Variants in VCL observed in about 807,000 individuals in gnomAD.
The protein encoded by VCL is vinculin, also known as epididymis luminal protein 114.
In VCL, 47 loss-of-function variants were observed where a neutral mutation model predicts 125.7. The ratio of observed to expected loss-of-function variants is 0.37; its 90% confidence interval spans 0.30 to 0.48. The LOEUF (loss-of-function observed/expected upper bound fraction) is 0.48. VCL is among the 20% of genes least tolerant of loss of function. VCL has a pLI of 0.99. For missense variants in VCL, 1,069 were observed against 1,455.5 expected (o/e 0.73, Z 4.32); for synonymous variants, 458 against 514.6 (o/e 0.89, Z 1.49).
At chr10:74,060,508 T>A (rs1841463046) in intron 2 of VCL, among the ~76,000 whole-genome samples, 1 of 151,418 alleles carries the variant, frequency 6.6e-6, no homozygotes, top group African/African-American at 2.4e-5. Context: ...CAAAAAAAAT[T>A]AGCTGGGCAT....
At position 74,107,086 on chromosome 10, in the gene VCL, T is replaced by TC. The variant is rs376257327; in HGVS notation, c.2435-138dup. 19 of 1,343,290 alleles carry TC rather than the reference T, an allele frequency of 1.4e-5. 1 individual carries two copies. In the African/African-American group the frequency reaches 1.9e-4, roughly 13 times the overall value. 83.2% of individuals were successfully genotyped at this position (1,343,290 alleles called of 1,614,324 possible). On this transcript the variant is annotated intron_variant, in intron 16 of 21. Coordinates refer to ENST00000211998, the MANE Select transcript of VCL (RefSeq NM_014000.3). ...CTCAGGGCATCTGCCTTGTCCTGCC[T>TC]CCCCCCTTCTTCAATCACTGCCCGT... is the stretch of plus-strand genomic sequence containing the variant.
At chr10:74,048,563 C>T (rs999544648) in intron 2 of VCL, among the ~76,000 whole-genome samples, 2 of 151,920 alleles carry the variant, frequency 1.3e-5, no homozygotes, top group African/African-American at 4.8e-5. Context: ...GTATCACTGT[C>T]AGTTGTCATT....
chr10:74,049,100 C>A (rs1841248763), intron 2 of VCL, among the ~76,000 whole-genome samples: 1 of 150,720 alleles, frequency 6.6e-6, no homozygotes, highest in African/African-American at 2.4e-5. Flanking sequence ...GAGCGAGACT[C>A]CATCTCAAAA....
intron 1 of VCL, among the ~76,000 whole-genome samples, chr10:74,009,456 T>G (rs561586106): frequency 3.3e-5 from 5 of 151,132 alleles, no homozygotes; most frequent in African/African-American, 1.2e-4. Flanking sequence ...AGATGGAGTT[T>G]CACCATGTTA....
In VCL at chr10:74,118,311, CA is replaced by C. The variant is rs756151016; in HGVS notation, c.*145del. ...CATCAGAAAGGAATGGGGGCCTCTTCAAATTAGAAGACATTTATACTCTTTT... is the reference window on the plus strand; with the variant it reads ...CATCAGAAAGGAATGGGGGCCTCTTCAATTAGAAGACATTTATACTCTTTT... On this transcript the variant is annotated 3_prime_UTR_variant, in exon 22 of 22. Transcript: ENST00000211998. 4.1e-4 allele frequency: 397 copies of C among 966,834 alleles called. No individual in the cohort carries two copies. The highest frequency in any genetic ancestry group is 5.8e-4 in the Non-Finnish European group (365 of 626,876). The allele number at this position is 966,834 out of a possible 1,614,324, so 59.9% of individuals were successfully genotyped here.
chr10:74,041,569 C>A (rs149706474), intron 1 of VCL, among the ~76,000 whole-genome samples: 24 of 152,196 alleles, frequency 1.6e-4, no homozygotes, highest in African/African-American at 5.1e-4. Context: ...TAATTGTGTA[C>A]TGAGATTATT....
intron 1 of VCL, 59 bp from the exon 2 acceptor site, chr10:74,043,024 A>C (rs1841123952): frequency 7.0e-7 from 1 of 1,436,486 alleles, no homozygotes; most frequent in Non-Finnish European, 9.8e-7. Flanking sequence ...ATGCTTAAGT[A>C]ATAGTTTTTT....
chr10:74,081,389 T>C (rs527578925), intron 6 of VCL, among the ~76,000 whole-genome samples: 1 of 152,306 alleles, frequency 6.6e-6, no homozygotes, highest in African/African-American at 2.4e-5. Context: ...GGGATGCTCC[T>C]GGTGCCCCCG....
chr10:74,059,451 C>T (rs542159589), intron 2 of VCL, among the ~76,000 whole-genome samples: 1 of 151,500 alleles, frequency 6.6e-6, no homozygotes, highest in South Asian at 2.1e-4. Context: ...GTCACGAAGG[C>T]TGTAGTGCAG....
At chr10:74,074,682 G>C in intron 5 of VCL, 61 bp from the exon 6 acceptor site, 7 of 1,576,050 alleles carry the variant, frequency 4.4e-6, no homozygotes, top group South Asian at 1.1e-5. Flanking sequence ...CATCTTTTGT[G>C]AATATTGTTA....
intron 1 of VCL, among the ~76,000 whole-genome samples, chr10:74,023,497 G>T (rs1362960763): frequency 1.3e-5 from 2 of 152,186 alleles, no homozygotes; most frequent in African/African-American, 4.8e-5. Flanking sequence ...TGACAAACTG[G>T]ATAAACCAAT....
In VCL at chr10:74,089,206, T is replaced by C. The variant is rs1375388806; in HGVS notation, c.1033T>C (p.Ser345Pro). Residue 345 changes from serine (S) to proline (P), a missense_variant, in exon 9 of 22, where the codon TCC becomes CCC. Physicochemically the swap from Ser to Pro is moderately conservative, Grantham distance 74. Transcript: ENST00000211998. ...VADLRARGQGSSPVAMQKAQQ... is the reference protein window; with the variant it reads ...VADLRARGQGPSPVAMQKAQQ... ...GTCTGTTTTGAGCAGAGGACAAGGA[T>C]CCTCACCGGTGGCCATGCAGAAAGC... 1 of 1,614,050 alleles carries C rather than the reference T, an allele frequency of 6.2e-7. No homozygotes were observed. The highest frequency in any genetic ancestry group is 2.2e-5 in the East Asian group (1 of 44,884).
chr10:74,072,949 T>C (rs942457643), intron 5 of VCL, 97 bp downstream of exon 5: 8 of 1,547,896 alleles, frequency 5.2e-6, no homozygotes, highest in Non-Finnish European at 7.0e-6. Flanking sequence ...TCTTTTCTTT[T>C]TTTTTTTTTT....
intron 1 of VCL, among the ~76,000 whole-genome samples, chr10:74,020,840 C>CAAAAG (rs1555114827): frequency 1.5e-5 from 1 of 66,738 alleles, no homozygotes; most frequent in Non-Finnish European, 2.7e-5. Context: ...GACCTTGTCT[C>CAAAAG]AAAAAAAAAA....
intron 2 of VCL, among the ~76,000 whole-genome samples, chr10:74,068,961 A>G (rs1841617404): frequency 7.2e-6 from 1 of 139,376 alleles, no homozygotes; most frequent in South Asian, 2.1e-4. Context: ...AAAGAACAAA[A>G]TATCCAGTCC....
intron 8 of VCL, among the ~76,000 whole-genome samples, chr10:74,086,216 T>C (rs1839768152): frequency 6.6e-6 from 1 of 152,198 alleles, no homozygotes; most frequent in African/African-American, 2.4e-5. Context: ...TGGACCAAGA[T>C]CACTTCTATC....
chr10:74,096,851 G>T (rs972193507), intron 12 of VCL, among the ~76,000 whole-genome samples: 1 of 152,244 alleles, frequency 6.6e-6, no homozygotes, highest in South Asian at 2.1e-4. Flanking sequence ...GCCAGCACTG[G>T]CAATGGTGTG....
intron 15 of VCL, among the ~76,000 whole-genome samples, chr10:74,104,197 C>A (rs1840099458): frequency 1.3e-5 from 2 of 152,122 alleles, no homozygotes; most frequent in Non-Finnish European, 2.9e-5. Context: ...CCTATCTTCT[C>A]TTTGAATAGT....
At chr10:74,077,776 T>C in intron 6 of VCL, 1 of 453,970 alleles carries the variant, frequency 2.2e-6, no homozygotes, top group South Asian at 1.6e-5. Flanking sequence ...TTGGTAAAAG[T>C]GCGTCTTGCC....
Sources: gnomAD v4.1 joint callset for allele counts (sites outside exome capture counted in the v4.1 genomes callset) on GRCh38, gnomAD v4.1.1 for gene constraint, MANE v1.5 for transcripts, NCBI Gene and HGNC (gene_info 2026-07-23, HGNC 2026-07-21) for gene names.